Variants in CCDC91 observed in about 807,000 individuals in gnomAD.
CCDC91 encodes the protein coiled-coil domain containing 91, also known as coiled-coil domain-containing protein 91.
CCDC91 carries 48 observed loss-of-function variants against 63.2 expected under a neutral mutation model. That is an observed-to-expected ratio of 0.76 (90% CI 0.60 to 0.97). CCDC91 has a LOEUF of 0.97. Ranked by LOEUF, CCDC91 falls within the 50% of genes least tolerant of loss-of-function variation. The pLI is 0.00. For synonymous variants in CCDC91, 167 were observed against 165.8 expected (o/e 1.01, Z -0.06); for missense variants, 500 against 494.6 (o/e 1.01, Z -0.10).
chr12:28,507,480 T>G (rs1332695711), intron 12 of CCDC91, among the ~76,000 whole-genome samples: 1 of 152,130 alleles, frequency 6.6e-6, no homozygotes, highest in East Asian at 1.9e-4. Context: ...GACATTCTTC[T>G]AATCACTAAA....
At chr12:28,426,709 A>G (rs1404147990) in intron 8 of CCDC91, among the ~76,000 whole-genome samples, 1 of 151,922 alleles carries the variant, frequency 6.6e-6, no homozygotes, top group Non-Finnish European at 1.5e-5. Flanking sequence ...ATTCTTGCAT[A>G]TTGTCTGCTT....
At chr12:28,523,874 C>T (rs1414144905) in intron 12 of CCDC91, among the ~76,000 whole-genome samples, 1 of 152,120 alleles carries the variant, frequency 6.6e-6, no homozygotes, top group African/African-American at 2.4e-5. Context: ...GTTGAAAATT[C>T]TTTTCTTTAA....
chr12:28,301,994 A>G (rs940708867), intron 3 of CCDC91, among the ~76,000 whole-genome samples: 4 of 151,852 alleles, frequency 2.6e-5, no homozygotes, highest in African/African-American at 9.6e-5. Flanking sequence ...GATTAGTTAT[A>G]TGTACCCTTT....
intron 12 of CCDC91, among the ~76,000 whole-genome samples, chr12:28,516,423 C>T (rs2141353306): frequency 6.6e-6 from 1 of 151,786 alleles, no homozygotes; most frequent in Middle Eastern, 3.4e-3. Context: ...GTCAACATGG[C>T]AAAACCACAT....
chr12:28,519,133 T>A (rs1940293323), intron 12 of CCDC91, among the ~76,000 whole-genome samples: 1 of 152,074 alleles, frequency 6.6e-6, no homozygotes, highest in South Asian at 2.1e-4. Flanking sequence ...TAGATTGCTT[T>A]TGGCAGTATG....
At chr12:28,219,340 C>A (rs1943775750) in intron 1 of CCDC91, among the ~76,000 whole-genome samples, 1 of 151,940 alleles carries the variant, frequency 6.6e-6, no homozygotes, top group East Asian at 1.9e-4. Flanking sequence ...GATATAAGAC[C>A]TTTTCAGATA....
intron 11 of CCDC91, among the ~76,000 whole-genome samples, chr12:28,468,602 T>C (rs969114840): frequency 2.6e-5 from 4 of 151,870 alleles, no homozygotes; most frequent in African/African-American, 9.7e-5. Flanking sequence ...ATGAGGCCAG[T>C]ATTACCCAAT....
intron 12 of CCDC91, among the ~76,000 whole-genome samples, chr12:28,526,994 A>G (rs1262945129): frequency 2.6e-5 from 4 of 152,010 alleles, no homozygotes; most frequent in African/African-American, 9.7e-5. Context: ...TTCCTTGAAT[A>G]GTTCTCCTTT....
chr12:28,348,758 C>T (rs994709308), intron 6 of CCDC91, among the ~76,000 whole-genome samples: 2 of 152,032 alleles, frequency 1.3e-5, no homozygotes, highest in African/African-American at 4.8e-5. Context: ...GGGTCTCGCT[C>T]TGTCACCCAA....
At chr12:28,407,095 C>G (rs1947000079) in intron 8 of CCDC91, among the ~76,000 whole-genome samples, 1 of 152,232 alleles carries the variant, frequency 6.6e-6, no homozygotes, top group African/African-American at 2.4e-5. Flanking sequence ...CACCTCCCAC[C>G]CCGTGTCTTG....
At chr12:28,398,734 C>T (rs1446273822) in intron 8 of CCDC91, among the ~76,000 whole-genome samples, 1 of 152,154 alleles carries the variant, frequency 6.6e-6, no homozygotes, top group East Asian at 1.9e-4. Context: ...TATTTCATCT[C>T]ATTGCACTTA....
chr12:28,314,414 A>G (rs939995037), intron 6 of CCDC91, among the ~76,000 whole-genome samples: 12 of 152,050 alleles, frequency 7.9e-5, no homozygotes, highest in African/African-American at 2.2e-4. Flanking sequence ...AGAGGCTACT[A>G]TAATAATTGT....
At chr12:28,501,449 C>CA (rs1937853117) in intron 12 of CCDC91, among the ~76,000 whole-genome samples, 1 of 151,988 alleles carries the variant, frequency 6.6e-6, no homozygotes, top group Non-Finnish European at 1.5e-5. Context: ...GCCTTTACTG[C>CA]ATCTATTGAC....
chr12:28,506,478 C>T (rs530200616), intron 12 of CCDC91, among the ~76,000 whole-genome samples: 1 of 152,014 alleles, frequency 6.6e-6, no homozygotes, highest in East Asian at 2.0e-4. Context: ...TAGTTACAGT[C>T]CAGTGAGTAA....
intron 8 of CCDC91, among the ~76,000 whole-genome samples, chr12:28,448,272 A>G (rs1949633424): frequency 6.6e-6 from 1 of 152,266 alleles, no homozygotes; most frequent in African/African-American, 2.4e-5. Context: ...ATGTGGTACT[A>G]CTACATATAA....
intron 3 of CCDC91, among the ~76,000 whole-genome samples, chr12:28,275,147 C>G (rs1447318662): frequency 6.6e-6 from 1 of 151,914 alleles, no homozygotes; most frequent in South Asian, 2.1e-4. Flanking sequence ...GATAGAGACA[C>G]AAAAAACCCT....
chr12:28,383,867 C>G (rs890163430), intron 7 of CCDC91, among the ~76,000 whole-genome samples: 2 of 152,142 alleles, frequency 1.3e-5, no homozygotes, highest in African/African-American at 4.8e-5. Flanking sequence ...TATTGGTTCA[C>G]TGATCTGAAG....
At chr12:28,481,348 G>C (rs1951437700) in intron 11 of CCDC91, among the ~76,000 whole-genome samples, 1 of 151,954 alleles carries the variant, frequency 6.6e-6, no homozygotes, top group African/African-American at 2.4e-5. Flanking sequence ...AGGATTGTCA[G>C]TAGTTCCAAG....
chr12:28,327,881 T>C (rs2137584087), intron 6 of CCDC91, among the ~76,000 whole-genome samples: 1 of 152,218 alleles, frequency 6.6e-6, no homozygotes, highest in Middle Eastern at 3.4e-3. Flanking sequence ...GGTTTGGTCA[T>C]AATAGGGAAC....
Sources: gnomAD v4.1 joint callset for allele counts (sites outside exome capture counted in the v4.1 genomes callset) on GRCh38, gnomAD v4.1.1 for gene constraint, MANE v1.5 for transcripts, NCBI Gene and HGNC (gene_info 2026-07-23, HGNC 2026-07-21) for gene names.